The following RBFOX1 variants were observed in gnomAD, a reference collection of about 807,000 sequenced individuals.
RBFOX1 encodes the protein RNA binding fox-1 homolog 1.
A neutral mutation model predicts 57.7 loss-of-function variants in RBFOX1; 8 were observed. That is an observed-to-expected ratio of 0.14 (90% confidence interval 0.08 to 0.25). The LOEUF (loss-of-function observed/expected upper bound fraction) is 0.25. Among genes scored for constraint, RBFOX1 ranks in the 10% least tolerant of loss-of-function variants. RBFOX1 has a pLI of 1.00. For synonymous variants in RBFOX1, 326 were observed against 222.4 expected, an observed-to-expected ratio of 1.47 and a Z score of -4.15; for missense variants, 611 against 548.5, an observed-to-expected ratio of 1.11 and a Z score of -1.14.
intron 2 of RBFOX1, among the ~76,000 whole-genome samples, chr16:6,461,409 T>C (rs1242654345): frequency 2.0e-5 from 3 of 152,194 alleles, no homozygotes; most frequent in African/African-American, 7.2e-5. Context: ...CTTCAACGTA[T>C]GAATTTTGAG....
intron 3 of RBFOX1, among the ~76,000 whole-genome samples, chr16:6,891,928 C>T (rs1227068711): frequency 6.6e-6 from 1 of 152,138 alleles, no homozygotes. Context: ...TCCAGCAAGT[C>T]GGTTTTCTGA....
chr16:6,744,612 T>C (rs1241234494), intron 3 of RBFOX1, among the ~76,000 whole-genome samples: 1 of 151,838 alleles, frequency 6.6e-6, no homozygotes, highest in African/African-American at 2.4e-5. Flanking sequence ...GAAGAGAAAA[T>C]CTAAATGGAA....
intron 4 of RBFOX1, among the ~76,000 whole-genome samples, chr16:5,942,035 C>T (rs867903307): frequency 4.6e-5 from 7 of 152,008 alleles, no homozygotes; most frequent in South Asian, 2.1e-4. Context: ...AGTAAGGCTT[C>T]CTCCCCATGT....
At chr16:5,690,851 A>T (rs74727040) in intron 3 of RBFOX1, among the ~76,000 whole-genome samples, 1 of 152,136 alleles carries the variant, frequency 6.6e-6, no homozygotes, top group Admixed American at 6.5e-5. Flanking sequence ...TTGTTTTTAC[A>T]TGCCCAGTTT....
intron 4 of RBFOX1, among the ~76,000 whole-genome samples, chr16:7,167,194 C>T (rs7203474): frequency 0.21 from 31,933 of 150,820 alleles, 4,084 homozygotes; most frequent in East Asian, 0.38. Flanking sequence ...CCGTGTTGGC[C>T]AGGCTGGTCT....
chr16:6,019,722 C>T lies in RBFOX1; in HGVS notation c.-397C>T, dbSNP rs559684765. 853 of 1,371,080 alleles carry T rather than the reference C, an allele frequency of 6.2e-4. 4 individuals carry two copies. In the African/African-American group the frequency reaches 6.7e-3, roughly 11 times the overall value. The allele number at this position is 1,371,080 out of a possible 1,614,324, so 84.9% of individuals were successfully genotyped here. A position where few individuals can be genotyped will look rare whatever the true frequency, so the allele number is the denominator to read the frequency against. On this transcript the variant is annotated 5_prime_UTR_variant, in exon 1 of 16. Coordinates refer to ENST00000550418, the MANE Select transcript of RBFOX1 (RefSeq NM_018723.4). The surrounding 1 kb of genome is among the most constrained non-coding windows in gnomAD (Gnocchi z 4.2). ...CCAGGCAGAGAGAGCAGGAGCGGAC[C>T]GCGCGCCCGGGATTGAGAGTCCTTG...
intron 2 of RBFOX1, among the ~76,000 whole-genome samples, chr16:6,443,667 A>G (rs17140275): frequency 0.22 from 33,268 of 152,138 alleles, 3,900 homozygotes; most frequent in East Asian, 0.31. Context: ...TCAGTGATTT[A>G]TAAAACTGAA....
intron 5 of RBFOX1, among the ~76,000 whole-genome samples, chr16:7,520,079 A>G (rs2077204350): frequency 1.3e-5 from 2 of 152,004 alleles, no homozygotes; most frequent in African/African-American, 2.4e-5. Flanking sequence ...TAGAGACGGG[A>G]TTTCACTGTG....
chr16:5,712,050 G>A (rs1336824980), intron 3 of RBFOX1, among the ~76,000 whole-genome samples: 1 of 152,174 alleles, frequency 6.6e-6, no homozygotes, highest in African/African-American at 2.4e-5. Flanking sequence ...GGGAAAGCAG[G>A]CATGTCTTAC....
intron 3 of RBFOX1, among the ~76,000 whole-genome samples, chr16:7,002,343 C>A (rs2092896276): frequency 6.6e-6 from 1 of 152,206 alleles, no homozygotes; most frequent in South Asian, 2.1e-4. Flanking sequence ...TGTGTGAGCA[C>A]ATGTGTTTAC....
chr16:6,089,948 A>G (rs1597205424), intron 1 of RBFOX1: 1 of 152,220 alleles, frequency 6.6e-6, no homozygotes, highest in Admixed American at 6.5e-5. Context: ...TGGATTTAGT[A>G]TCTTACAGTT....
intron 2 of RBFOX1, among the ~76,000 whole-genome samples, chr16:6,384,826 C>T (rs1448352272): frequency 6.6e-6 from 1 of 152,320 alleles, no homozygotes; most frequent in African/African-American, 2.4e-5. Flanking sequence ...TCATGGAGCT[C>T]TTGGTCAGCC....
chr16:5,716,239 C>A (rs759663959), intron 3 of RBFOX1, among the ~76,000 whole-genome samples: 1 of 152,126 alleles, frequency 6.6e-6, no homozygotes, highest in Non-Finnish European at 1.5e-5. Context: ...TTAAAATCAG[C>A]GGCAAAAACT....
intron 2 of RBFOX1, among the ~76,000 whole-genome samples, chr16:6,471,703 G>A (rs900397022): frequency 1.3e-5 from 2 of 152,162 alleles, no homozygotes; most frequent in Non-Finnish European, 2.9e-5. Context: ...GAGCCACAGG[G>A]AAGAGGTTTA....
At chr16:6,918,153 T>C (rs1303632161) in intron 3 of RBFOX1, among the ~76,000 whole-genome samples, 1 of 151,822 alleles carries the variant, frequency 6.6e-6, no homozygotes, top group Non-Finnish European at 1.5e-5. Context: ...CTGGGTATGC[T>C]AGCCTGTAGT....
At chr16:6,268,897 G>A (rs778254340) in intron 1 of RBFOX1, among the ~76,000 whole-genome samples, 20 of 152,180 alleles carry the variant, frequency 1.3e-4, no homozygotes, top group Non-Finnish European at 2.8e-4. Flanking sequence ...CTGGTTCCAG[G>A]ACAGTCCAAA....
At chr16:6,260,878 C>G (rs867436225) in intron 1 of RBFOX1, among the ~76,000 whole-genome samples, 2 of 151,386 alleles carry the variant, frequency 1.3e-5, no homozygotes, top group Non-Finnish European at 2.9e-5. Flanking sequence ...AAGACCCTGT[C>G]TCAAAAAAAA....
intron 4 of RBFOX1, among the ~76,000 whole-genome samples, chr16:7,153,248 C>G (rs931539869): frequency 1.3e-5 from 2 of 151,952 alleles, no homozygotes; most frequent in Non-Finnish European, 2.9e-5. Flanking sequence ...ATGTCTCTAT[C>G]AAATGCATAC....
At chr16:7,350,254 T>C (rs1478519294) in intron 4 of RBFOX1, among the ~76,000 whole-genome samples, 1 of 152,048 alleles carries the variant, frequency 6.6e-6, no homozygotes, top group East Asian at 1.9e-4. Context: ...GTGCCAGCTG[T>C]GTACAGTCGT....
Sources: gnomAD v4.1 joint callset for allele counts (sites outside exome capture counted in the v4.1 genomes callset) on GRCh38, gnomAD v4.1.1 for gene constraint, Gnocchi (gnomAD v3.1) non-coding constraint, MANE v1.5 for transcripts, NCBI Gene and HGNC (gene_info 2026-07-23, HGNC 2026-07-21) for gene names.